Variants in HRG observed in about 807,000 individuals in gnomAD.
HRG encodes histidine rich glycoprotein.
In HRG, 26 loss-of-function variants were observed where a neutral mutation model predicts 29.5. That is an observed-to-expected ratio of 0.88 (90% confidence interval 0.65 to 1.22). The LOEUF (loss-of-function observed/expected upper bound fraction) is 1.22, where lower values mean the gene tolerates loss of function less well. Among genes scored for constraint, HRG ranks in the 50% most tolerant of loss-of-function variants. HRG has a pLI of 0.00. For synonymous variants in HRG, 243 were observed against 240.4 expected (o/e 1.01, Z -0.10); for missense variants, 671 against 654.5 (o/e 1.03, Z -0.28).
intron 6 of HRG, among the ~76,000 whole-genome samples, chr3:186,676,525 A>G (rs1446692726): frequency 6.6e-6 from 1 of 151,972 alleles, no homozygotes. Context: ...CTGTAATCCC[A>G]GCACTTTGGG....
At chr3:186,674,524 G>T in intron 5 of HRG, 1 of 178,226 alleles carries the variant, frequency 5.6e-6, no homozygotes, top group Non-Finnish European at 1.2e-5. Context: ...CCGTCCTCTT[G>T]TCCTAGTCGA....
At position 186,675,332 on chromosome 3, in the gene HRG, A is replaced by AGT. The variant is rs1491255623; in HGVS notation, c.741+142_741+143insGT. 407 of 661,902 alleles carry AGT rather than the reference A, an allele frequency of 6.1e-4. 4 individuals carry two copies. In the African/African-American group the frequency reaches 6.3e-3, roughly 10 times the overall value. The allele number at this position is 661,902 out of a possible 1,614,324, so 41.0% of individuals were successfully genotyped here. On this transcript the variant is annotated intron_variant, in intron 6 of 6. Coordinates refer to ENST00000232003, the MANE Select transcript of HRG (RefSeq NM_000412.5). ...GTGAGAGAGAGAGAGAGAGAGAGAG[A>AGT]CAGAGACAGAGACAGAGAGAGGGAG...
chr3:186,669,183 A>G, intron 2 of HRG, 132 bp downstream of exon 2: 1 of 761,020 alleles, frequency 1.3e-6, no homozygotes, highest in South Asian at 1.4e-5. Context: ...CATGAAGATG[A>G]TGTTAACCTT....
chr3:186,671,815 G>A, intron 4 of HRG, 26 bp downstream of exon 4: 1 of 1,609,218 alleles, frequency 6.2e-7, no homozygotes. Context: ...GGTTCGGTTG[G>A]AGTCTGAAGG....
rs896063973 is a variant in HRG, at chr3:186,672,691, T to C, written c.559-96T>C. 5 of 806,342 alleles carry C rather than the reference T, an allele frequency of 6.2e-6. No individual in the cohort carries two copies. The Admixed American group carries it at 9.8e-5, about 16-fold the overall frequency. The allele number at this position is 806,342 out of a possible 1,614,324, so 49.9% of individuals were successfully genotyped here. Reference sequence around the variant, plus strand: ...ACATACTGGTGATTTTGAATTCTCATACTGCCTTAAAAAATATTGAATGGT... The same window carrying C: ...ACATACTGGTGATTTTGAATTCTCACACTGCCTTAAAAAATATTGAATGGT... On this transcript the variant is annotated intron_variant, in intron 4 of 6. Coordinates refer to ENST00000232003, the MANE Select transcript of HRG (RefSeq NM_000412.5).
intron 2 of HRG, 186 bp from the exon 3 acceptor site, chr3:186,669,752 C>G (rs1718727749): frequency 1.6e-6 from 1 of 635,556 alleles, no homozygotes. Context: ...TTTTGAGTGC[C>G]AACAGGATGC....
intron 4 of HRG, among the ~76,000 whole-genome samples, chr3:186,672,353 G>A (rs573184929): frequency 3.9e-5 from 6 of 152,312 alleles, no homozygotes; most frequent in African/African-American, 7.2e-5. Context: ...GGACCCATGC[G>A]CACTGGAGTT....
In HRG at chr3:186,669,769, C is replaced by A. The variant is rs985120982; in HGVS notation, c.301-169C>A. On this transcript the variant is annotated intron_variant, in intron 2 of 6. Coordinates refer to ENST00000232003, the MANE Select transcript of HRG (RefSeq NM_000412.5). ...TTGAGTGCCAACAGGATGCAGCACA[C>A]AGAAACTGACTAAGAAAATGCAGGG... 7.5e-6 allele frequency: 5 copies of A among 664,916 alleles called. No individual in the cohort carries two copies. The African/African-American group carries it at 8.9e-5, about 12-fold the overall frequency. The allele number at this position is 664,916 out of a possible 1,614,324, so 41.2% of individuals were successfully genotyped here.
Position 186,675,123 on chromosome 3 carries a change from A to T in HRG, c.674A>T (p.Asp225Val), listed in dbSNP as rs1320564403. The T allele has an allele frequency of 1.9e-6, 3 of 1,613,670 alleles. No homozygotes were observed. Among genetic ancestry groups the T allele is most frequent in the Non-Finnish European group, 2.5e-6 (3 of 1,179,732 alleles). ...FGFCRADLFY[D>V]VEALDLESPK... ...TTCTGCAGAGCAGATTTGTTCTATG[A>T]TGTAGAAGCCTTGGACTTGGAAAGC... The change falls in exon 6 of 7, where the codon GAT becomes GTT. Residue 225 changes from aspartate to valine, a missense_variant. Coordinates refer to ENST00000232003, the MANE Select transcript of HRG (RefSeq NM_000412.5).
rs146771057 is a variant in HRG at position 186,677,168 on chromosome 3, A to T, written c.863A>T (p.His288Leu). The change falls in exon 7 of 7, where the codon CAT becomes CTT. Residue 288 changes from histidine to leucine, a missense_variant. His to Leu is a moderately conservative substitution (Grantham distance 99, BLOSUM62 -3). Transcript: ENST00000232003. ...CCCCATGGATCTAGAGATCATCATC[A>T]TCCCCACAAGCCACACGAACATGGA... Reference protein sequence around the residue: ...FKPHGSRDHHHPHKPHEHGPP... With the variant: ...FKPHGSRDHHLPHKPHEHGPP... 244 of 1,613,528 alleles carry T rather than the reference A, an allele frequency of 1.5e-4. No homozygotes were observed. In the African/African-American group the frequency reaches 2.8e-3, roughly 19 times the overall value.
chr3:186,677,247 A>G lies in HRG; in HGVS notation c.942A>G (p.Gln314=), dbSNP rs1310958641. ...RDHSHGPPLP[Q]GPPPLLPMSC... ...ACTCACATGGACCCCCACTTCCACAAGGCCCTCCTCCACTATTGCCCATGT... is the reference window on the plus strand; with the variant it reads ...ACTCACATGGACCCCCACTTCCACAGGGCCCTCCTCCACTATTGCCCATGT... The change falls in exon 7 of 7, where the codon CAA becomes CAG. Residue 314 remains glutamine, a synonymous_variant. Coordinates refer to ENST00000232003, the MANE Select transcript of HRG (RefSeq NM_000412.5). 1.2e-6 allele frequency: 2 copies of G among 1,613,980 alleles called. No homozygotes were observed. Among genetic ancestry groups the G allele is most frequent in the African/African-American group, 2.7e-5 (2 of 74,892 alleles).
intron 2 of HRG, chr3:186,669,602 A>G (rs1252223676): frequency 2.6e-6 from 1 of 388,720 alleles, no homozygotes; most frequent in Non-Finnish European, 4.9e-6. Context: ...GAACATGAAG[A>G]TGAATAAGCA....
Position 186,675,865 on chromosome 3 carries a change from CTTTTTTT to C in HRG, c.741+690_741+696del, listed in dbSNP as rs56248425. 1.1e-3 allele frequency among the ~76,000 whole-genome samples: 110 copies of C among 97,080 alleles called. No individual in the cohort carries two copies. The South Asian group carries it at 0.021, about 18-fold the overall frequency. The allele number at this position is 97,080 out of a possible 152,430, so 63.7% of individuals were successfully genotyped here. A position where few individuals can be genotyped will look rare whatever the true frequency, so the allele number is the denominator to read the frequency against. On this transcript the variant is annotated intron_variant, in intron 6 of 6. Coordinates refer to ENST00000232003, the MANE Select transcript of HRG (RefSeq NM_000412.5). ...ATTGTCACCATGAACATGGCTCTGT[CTTTTTTT>C]TTTTTTTTTTTTTTGAGAAGGAGTT... is the stretch of plus-strand genomic sequence containing the variant.
At chr3:186,670,627 A>G (rs561754445) in intron 3 of HRG, among the ~76,000 whole-genome samples, 3 of 149,956 alleles carry the variant, frequency 2.0e-5, no homozygotes, top group African/African-American at 7.4e-5. Flanking sequence ...GGGTCACTGC[A>G]ACCTCCACCT....
At chr3:186,670,247 C>T (rs894054080) in intron 3 of HRG, among the ~76,000 whole-genome samples, 1 of 152,142 alleles carries the variant, frequency 6.6e-6, no homozygotes, top group Non-Finnish European at 1.5e-5. Flanking sequence ...GGTACACCTT[C>T]TTTTAAAGAA....
At chr3:186,666,970 G>A (rs1718631599) in intron 1 of HRG, 1 of 152,066 alleles carries the variant, frequency 6.6e-6, no homozygotes, top group South Asian at 2.1e-4. Context: ...AGGTTTACCT[G>A]ACACTGGAGT....
Position 186,677,049 on chromosome 3 carries a change from A to G in HRG, c.744A>G (p.Glu248=). 2 of 1,614,102 alleles carry G rather than the reference A, an allele frequency of 1.2e-6. No individual in the cohort carries two copies. The highest frequency in any genetic ancestry group is 1.7e-6 in the Non-Finnish European group (2 of 1,179,968). ...CACTTTTCTGTGACCTTTTCCAGGA[A>G]CATGAGAACATCAATGGTGTACCGC... ...VINCEVFDPQ[E]HENINGVPPH... Residue 248 remains glutamate, a splice_region_variant and synonymous_variant, in exon 7 of 7, where the codon GAA becomes GAG. Coordinates refer to ENST00000232003, the MANE Select transcript of HRG (RefSeq NM_000412.5).
intron 6 of HRG, among the ~76,000 whole-genome samples, chr3:186,676,777 C>A (rs1473432128): frequency 1.3e-5 from 2 of 151,912 alleles, no homozygotes; most frequent in African/African-American, 4.8e-5. Flanking sequence ...CGCACCACTG[C>A]ACTCCAGACT....
intron 4 of HRG, 60 bp from the exon 5 acceptor site, chr3:186,672,727 T>C (rs2108578076): frequency 2.8e-6 from 3 of 1,089,832 alleles, no homozygotes; most frequent in Non-Finnish European, 4.3e-6. Flanking sequence ...AGTTATCTAC[T>C]GCTTTTTTTT....
Sources: gnomAD v4.1 joint callset for allele counts (sites outside exome capture counted in the v4.1 genomes callset) on GRCh38, gnomAD v4.1.1 for gene constraint, MANE v1.5 for transcripts, NCBI Gene and HGNC (gene_info 2026-07-23, HGNC 2026-07-21) for gene names.